Variants in MLST8 observed in about 807,000 individuals in gnomAD.
MLST8 encodes the protein target of rapamycin complex subunit LST8.
Under a neutral mutation model 41.3 loss-of-function variants are expected in MLST8, and 20 were observed. The ratio of observed to expected loss-of-function variants is 0.48; its 90% CI spans 0.34 to 0.70. The LOEUF is 0.70. Among genes scored for constraint, MLST8 ranks in the 30% least tolerant of loss-of-function variants. MLST8 has a pLI of 0.01. For missense variants in MLST8, 422 were observed against 454.3 expected (o/e 0.93, Z 0.65); for synonymous variants, 243 against 183.0 (o/e 1.33, Z -2.65).
In MLST8 at chr16:2,206,041, C is replaced by G. The variant is rs754826479; in HGVS notation, c.-45C>G. 4.0e-6 allele frequency: 6 copies of G among 1,512,020 alleles called. No homozygotes were observed. The African/African-American group carries it at 6.9e-5, about 17-fold the overall frequency. The allele number at this position is 1,512,020 out of a possible 1,614,324, so 93.7% of individuals were successfully genotyped here. On this transcript the variant is annotated 5_prime_UTR_variant, in exon 2 of 9. Transcript: ENST00000569417. Reference sequence around the variant, plus strand: ...CATCCTTCTCTGCAGATGCTCTGACCTTTGACCCCTGCCGTTCAGCTCTAG... The same window carrying G: ...CATCCTTCTCTGCAGATGCTCTGACGTTTGACCCCTGCCGTTCAGCTCTAG...
At chr16:2,208,701 G>T (rs1458566642) in intron 8 of MLST8, 58 bp from the exon 9 acceptor site, 1 of 1,613,042 alleles carries the variant, frequency 6.2e-7, no homozygotes, top group Non-Finnish European at 8.5e-7. Flanking sequence ...CCCCTCTGCT[G>T]GGGCCGCCTG....
chr16:2,206,712 G>C (rs1398540275), intron 4 of MLST8, 53 bp downstream of exon 4: 2 of 1,590,934 alleles, frequency 1.3e-6, no homozygotes, highest in Non-Finnish European at 1.7e-6. Flanking sequence ...TGCTCTGGGA[G>C]ACCGTTTTAG....
In MLST8 at chr16:2,209,309, G is replaced by A. The variant is rs1400353345; in HGVS notation, c.*432G>A. On this transcript the variant is annotated 3_prime_UTR_variant, in exon 9 of 9. Transcript: ENST00000569417. Reference sequence around the variant, plus strand: ...GCAGCTGTCCTCCCTGGTGCAGGTGGCCTGGCCAGCCCACTGGATTGGGGA... The same window carrying A: ...GCAGCTGTCCTCCCTGGTGCAGGTGACCTGGCCAGCCCACTGGATTGGGGA... The A allele has an allele frequency of 1.3e-6, 2 of 1,517,548 alleles. No homozygotes were observed. The highest frequency in any genetic ancestry group is 1.4e-5 in the African/African-American group (1 of 72,992). 94.0% of individuals were successfully genotyped at this position (1,517,548 alleles called of 1,614,324 possible).
Position 2,208,758 on chromosome 16 carries a change from G to C in MLST8, c.863-1G>C, listed in dbSNP as rs751782500. 12 of 1,613,840 alleles carry C rather than the reference G, an allele frequency of 7.4e-6. No individual in the cohort carries two copies. The highest frequency in any genetic ancestry group is 1.0e-5 in the Non-Finnish European group (12 of 1,179,918). On this transcript the variant is annotated splice_acceptor_variant, in intron 8 of 8. Coordinates refer to ENST00000569417, the MANE Select transcript of MLST8 (RefSeq NM_022372.6). LOFTEE classifies it high-confidence loss of function. ...TAGCCCTGCACAATCTCCCCCTCCA[G>C]CTTCCTCGGACAACCTGGCCCGGCT...
chr16:2,207,557 GTC>G, intron 6 of MLST8: 1 of 598,024 alleles, frequency 1.7e-6, no homozygotes, highest in Non-Finnish European at 2.9e-6. Context: ...GCTTTCTGGA[GTC>G]TCTCCCAAGT....
Position 2,209,110 on chromosome 16 carries a change from G to C in MLST8, c.*233G>C. On this transcript the variant is annotated 3_prime_UTR_variant, in exon 9 of 9. Transcript: ENST00000569417. ...GGCTGCACACTCCTGGACTGGGCTAGCCTGCACTGCCTGGGAAAGTCGGCC... is the reference window on the plus strand; with the variant it reads ...GGCTGCACACTCCTGGACTGGGCTACCCTGCACTGCCTGGGAAAGTCGGCC... The C allele has an allele frequency of 1.6e-6, 1 of 638,038 alleles. No homozygotes were observed. The highest frequency in any genetic ancestry group is 2.7e-6 in the Non-Finnish European group (1 of 369,900). 39.5% of individuals were successfully genotyped at this position (638,038 alleles called of 1,614,324 possible). A position where few individuals can be genotyped will look rare whatever the true frequency, so the allele number is the denominator to read the frequency against.
At chr16:2,207,975 G>A (rs893156057) in intron 6 of MLST8, 2 of 444,004 alleles carry the variant, frequency 4.5e-6, no homozygotes, top group Admixed American at 8.0e-5. Context: ...CTCCAGGAAG[G>A]AGAATTTGAG....
intron 1 of MLST8, 151 bp from the exon 2 acceptor site, chr16:2,205,880 C>T: frequency 7.2e-7 from 1 of 1,380,340 alleles, no homozygotes; most frequent in South Asian, 1.6e-5. Flanking sequence ...AGCCAGGTAT[C>T]ACGCGTGTGA....
At chr16:2,207,765 G>A (rs953485463) in intron 6 of MLST8, 8 of 242,178 alleles carry the variant, frequency 3.3e-5, no homozygotes, top group Non-Finnish European at 5.6e-5. Flanking sequence ...GAGGAGACCC[G>A]GGGCTGCTGG....
rs763064022 is a variant in MLST8 at position 2,209,425 on chromosome 16, G to A, written c.*548G>A. On this transcript the variant is annotated 3_prime_UTR_variant, in exon 9 of 9. Transcript: ENST00000569417. ...TGTTGCTCGGGAAGCAGATGTCGAT[G>A]CAGAGATAAATCAGCCGCTGTCTCC... The A allele has an allele frequency of 3.1e-6, 5 of 1,613,838 alleles. No individual in the cohort carries two copies. The highest frequency in any genetic ancestry group is 1.1e-5 in the South Asian group (1 of 91,090).
chr16:2,207,461 G>T, intron 6 of MLST8, 116 bp downstream of exon 6: 1 of 1,323,976 alleles, frequency 7.6e-7, no homozygotes, highest in Non-Finnish European at 1.0e-6. Context: ...TCCCCATCCC[G>T]GGCACTAACA....
At position 2,209,265 on chromosome 16, in the gene MLST8, G is replaced by T; in HGVS notation, c.*388G>T. 1 of 1,150,714 alleles carries T rather than the reference G, an allele frequency of 8.7e-7. No individual in the cohort carries two copies. The highest frequency in any genetic ancestry group is 1.3e-6 in the Non-Finnish European group (1 of 792,234). 71.3% of individuals were successfully genotyped at this position (1,150,714 alleles called of 1,614,324 possible). On this transcript the variant is annotated 3_prime_UTR_variant, in exon 9 of 9. Transcript: ENST00000569417. ...CACCACCACCATGGCCAGGTGGAAG[G>T]GTTTATTAGTCCCTGCCAGCAGCTG...
chr16:2,207,367 T>C, intron 6 of MLST8, 22 bp downstream of exon 6: 1 of 1,611,036 alleles, frequency 6.2e-7, no homozygotes, highest in Non-Finnish European at 8.5e-7. Context: ...TGGCAGGTGC[T>C]GGGTGCGGGC....
At position 2,208,911 on chromosome 16, in the gene MLST8, G is replaced by A. The variant is rs1464218820; in HGVS notation, c.*34G>A. ...CCCTCGGGACTGCCTGGTGCAGGTG[G>A]TGGCAGCTGGAGGGACCCATGCAGC... On this transcript the variant is annotated 3_prime_UTR_variant, in exon 9 of 9. Coordinates refer to ENST00000569417, the MANE Select transcript of MLST8 (RefSeq NM_022372.6). The A allele has an allele frequency of 6.2e-7, 1 of 1,607,806 alleles. No individual in the cohort carries two copies. The highest frequency in any genetic ancestry group is 8.5e-7 in the Non-Finnish European group (1 of 1,178,204).
intron 4 of MLST8, 35 bp downstream of exon 4, chr16:2,206,694 G>T: frequency 6.2e-7 from 1 of 1,604,348 alleles, no homozygotes; most frequent in South Asian, 1.1e-5. Flanking sequence ...CCCGGGGCTG[G>T]GGTGGGCTGC....
chr16:2,208,114 G>C, intron 6 of MLST8, 96 bp from the exon 7 acceptor site: 1 of 1,452,508 alleles, frequency 6.9e-7, no homozygotes. Flanking sequence ...GGGTCCCCAT[G>C]CACAGTTGGC....
At chr16:2,208,386 G>C in intron 7 of MLST8, 52 bp downstream of exon 7, 1 of 1,607,342 alleles carries the variant, frequency 6.2e-7, no homozygotes, top group Non-Finnish European at 8.5e-7. Flanking sequence ...GCTGGGGGCT[G>C]GAGAGGGGAG....
At chr16:2,208,405 G>A (rs1287892240) in intron 7 of MLST8, 45 bp from the exon 8 acceptor site, 2 of 1,608,744 alleles carry the variant, frequency 1.2e-6, no homozygotes, top group Admixed American at 1.7e-5. Context: ...AGGGGCTGCT[G>A]GATGGAGTGG....
chr16:2,206,421 C>A lies in MLST8; in HGVS notation c.181+12C>A. On this transcript the variant is annotated intron_variant, in intron 3 of 8. Coordinates refer to ENST00000569417, the MANE Select transcript of MLST8 (RefSeq NM_022372.6). ...GATTGCTGCTGCAGGTATCTGTGAT[C>A]CTTGATCTCTAAACTCCTGAGCTCT... 6 of 1,614,142 alleles carry A rather than the reference C, an allele frequency of 3.7e-6. No individual in the cohort carries two copies. Among genetic ancestry groups the A allele is most frequent in the Non-Finnish European group, 4.2e-6 (5 of 1,180,004 alleles).
Sources: allele counts gnomAD v4.1 joint callset, GRCh38; gene constraint gnomAD v4.1.1; transcripts MANE v1.5; gene names NCBI Gene and HGNC (gene_info 2026-07-23, HGNC 2026-07-21).